Variants in RUNX2 observed in about 807,000 individuals in gnomAD.
RUNX2 encodes the protein runt-related transcription factor 2.
Under a neutral mutation model 51.7 loss-of-function variants are expected in RUNX2, and 10 were observed. The ratio of observed to expected loss-of-function variants is 0.19; its 90% CI spans 0.12 to 0.33. The LOEUF (loss-of-function observed/expected upper bound fraction) is 0.33, where lower values mean the gene tolerates loss of function less well. RUNX2 is among the 10% of genes least tolerant of loss of function. RUNX2 has a pLI of 1.00. For synonymous variants in RUNX2, 276 were observed against 273.6 expected (o/e 1.01, Z -0.09); for missense variants, 562 against 691.3 (o/e 0.81, Z 2.10).
At chr6:45,375,500 T>C (rs1796653991) in intron 2 of RUNX2, among the ~76,000 whole-genome samples, 3 of 152,198 alleles carry the variant, frequency 2.0e-5, no homozygotes, top group Non-Finnish European at 4.4e-5. Context: ...AGCTTTAAGT[T>C]ATTGCTCCAG....
intron 5 of RUNX2, among the ~76,000 whole-genome samples, chr6:45,455,034 A>C (rs1799281866): frequency 6.6e-6 from 1 of 152,158 alleles, no homozygotes; most frequent in Non-Finnish European, 1.5e-5. Flanking sequence ...GAATCGCTTG[A>C]ACCTGGGAGG....
At chr6:45,423,853 G>T (rs992454161) in intron 3 of RUNX2, among the ~76,000 whole-genome samples, 1 of 152,198 alleles carries the variant, frequency 6.6e-6, no homozygotes, top group African/African-American at 2.4e-5. Flanking sequence ...GCCAGGGGAC[G>T]GGGCGGGAGC....
intron 5 of RUNX2, among the ~76,000 whole-genome samples, chr6:45,461,409 C>G (rs928007370): frequency 6.6e-6 from 1 of 151,996 alleles, no homozygotes; most frequent in Non-Finnish European, 1.5e-5. Flanking sequence ...ATACGGAAGA[C>G]GTAGAAGGGA....
chr6:45,527,623 C>T (rs968083842), intron 7 of RUNX2, among the ~76,000 whole-genome samples: 2 of 152,306 alleles, frequency 1.3e-5, no homozygotes, highest in East Asian at 1.9e-4. Flanking sequence ...CACTATTATA[C>T]ACCCTAAGTG....
intron 7 of RUNX2, among the ~76,000 whole-genome samples, chr6:45,535,140 G>A (rs568284500): frequency 2.6e-5 from 4 of 152,010 alleles, no homozygotes; most frequent in Non-Finnish European, 5.9e-5. Flanking sequence ...TAACTAATGG[G>A]TGCTAGGCTT....
intron 2 of RUNX2, among the ~76,000 whole-genome samples, chr6:45,372,894 T>A: frequency 6.6e-6 from 1 of 152,254 alleles, no homozygotes; most frequent in Non-Finnish European, 1.5e-5. Flanking sequence ...CTTGGCTCAC[T>A]GCAACCTCCG....
intron 5 of RUNX2, among the ~76,000 whole-genome samples, chr6:45,464,907 T>A (rs1321097604): frequency 1.3e-5 from 2 of 152,208 alleles, no homozygotes; most frequent in Non-Finnish European, 2.9e-5. Flanking sequence ...GCTGCTTAAG[T>A]GTCTGGAACA....
intron 2 of RUNX2, among the ~76,000 whole-genome samples, chr6:45,356,043 A>C (rs1414835174): frequency 6.6e-6 from 1 of 152,190 alleles, no homozygotes; most frequent in Non-Finnish European, 1.5e-5. Context: ...AAGACACAGA[A>C]ACCTATGAAA....
chr6:45,373,092 T>C (rs1374096711), intron 2 of RUNX2, among the ~76,000 whole-genome samples: 1 of 151,696 alleles, frequency 6.6e-6, no homozygotes, highest in East Asian at 1.9e-4. Context: ...CAGTTGTGAG[T>C]CACCGCACCC....
chr6:45,337,769 TTA>T (rs1276345754), intron 2 of RUNX2, among the ~76,000 whole-genome samples: 1 of 151,986 alleles, frequency 6.6e-6, no homozygotes, highest in Admixed American at 6.6e-5. Context: ...CTGTTGGTTG[TTA>T]TGTTTATTTT....
chr6:45,537,366 G>A (rs1802071136), intron 7 of RUNX2, among the ~76,000 whole-genome samples: 1 of 152,194 alleles, frequency 6.6e-6, no homozygotes, highest in Non-Finnish European at 1.5e-5. Flanking sequence ...GCACCTTAGG[G>A]GAGACAGTGA....
At chr6:45,373,536 A>G (rs1436450388) in intron 2 of RUNX2, among the ~76,000 whole-genome samples, 1 of 151,962 alleles carries the variant, frequency 6.6e-6, no homozygotes, top group East Asian at 1.9e-4. Context: ...CTGTGACTTA[A>G]AATATTATTT....
At chr6:45,381,198 G>C (rs1332682394) in intron 2 of RUNX2, among the ~76,000 whole-genome samples, 1 of 152,102 alleles carries the variant, frequency 6.6e-6, no homozygotes, top group Admixed American at 6.6e-5. Context: ...AAGTTGTTCT[G>C]ACCAAAAAGA....
intron 2 of RUNX2, chr6:45,421,646 G>A (rs1249940051): frequency 6.6e-6 from 1 of 152,258 alleles, no homozygotes; most frequent in Admixed American, 6.5e-5. Flanking sequence ...CCTACAAAGA[G>A]GGGGTTCCTT....
chr6:45,442,897 G>C (rs918931000), intron 5 of RUNX2, among the ~76,000 whole-genome samples: 8 of 152,146 alleles, frequency 5.3e-5, no homozygotes, highest in Non-Finnish European at 1.0e-4. Flanking sequence ...AGGCCCCACT[G>C]CATCTCTTTC....
In RUNX2 at chr6:45,438,164, T is replaced by C. The variant is rs1798743070; in HGVS notation, c.685+113T>C. 3 of 738,252 alleles carry C rather than the reference T, an allele frequency of 4.1e-6. No individual in the cohort carries two copies. In the South Asian group the frequency reaches 4.3e-5, roughly 11 times the overall value. 45.7% of individuals were successfully genotyped at this position (738,252 alleles called of 1,614,324 possible). A position where few individuals can be genotyped will look rare whatever the true frequency, so the allele number is the denominator to read the frequency against. On this transcript the variant is annotated intron_variant, in intron 5 of 8. Transcript: ENST00000647337. ...CATGTCCATAGTGTCTTTGTGGACT[T>C]TGCTATCTGCATATATTTTTTTTAG...
At chr6:45,354,836 C>T (rs1322755587) in intron 2 of RUNX2, among the ~76,000 whole-genome samples, 1 of 152,094 alleles carries the variant, frequency 6.6e-6, no homozygotes, top group African/African-American at 2.4e-5. Context: ...TATTTATCAA[C>T]ATGGAAAAGT....
intron 2 of RUNX2, among the ~76,000 whole-genome samples, chr6:45,363,569 C>A (rs1794631305): frequency 6.6e-6 from 1 of 151,958 alleles, no homozygotes; most frequent in South Asian, 2.1e-4. Flanking sequence ...TGAATTTTTT[C>A]ACCTTATTCT....
At chr6:45,384,658 G>A (rs1394926729) in intron 2 of RUNX2, among the ~76,000 whole-genome samples, 1 of 139,562 alleles carries the variant, frequency 7.2e-6, no homozygotes, top group African/African-American at 2.6e-5. Context: ...GTTAGACATA[G>A]TACTATTAAA....
Sources: allele counts gnomAD v4.1 joint callset (sites outside exome capture counted in the v4.1 genomes callset), GRCh38; gene constraint gnomAD v4.1.1; transcripts MANE v1.5; gene names NCBI Gene and HGNC (gene_info 2026-07-23, HGNC 2026-07-21).